Variants in CHMP4B observed in about 807,000 individuals in gnomAD.
CHMP4B encodes the protein charged multivesicular body protein 4B, also known as SNF7 homolog associated with Alix 1.
Under a neutral mutation model 25.1 loss-of-function variants are expected in CHMP4B, and 1 was observed. That is an observed-to-expected ratio of 0.04 (90% CI 0.01 to 0.19). The LOEUF (loss-of-function observed/expected upper bound fraction) is 0.19. CHMP4B is among the 10% of genes least tolerant of loss of function. CHMP4B has a pLI of 1.00. For missense variants in CHMP4B, 151 were observed against 289.7 expected (o/e 0.52, Z 3.48); for synonymous variants, 101 against 115.6 (o/e 0.87, Z 0.81).
intron 1 of CHMP4B, among the ~76,000 whole-genome samples, chr20:33,842,971 C>T (rs1331304710): frequency 6.6e-6 from 1 of 152,218 alleles, no homozygotes; most frequent in Non-Finnish European, 1.5e-5. Context: ...TCCTCAGCAG[C>T]TTTTCAGAGA....
intron 1 of CHMP4B, among the ~76,000 whole-genome samples, chr20:33,837,737 AG>A (rs887236921): frequency 6.6e-6 from 1 of 152,262 alleles, no homozygotes; most frequent in African/African-American, 2.4e-5. Flanking sequence ...TTGTGAAGCC[AG>A]TTAAAATAAG....
chr20:33,829,354 C>T (rs770769798), intron 1 of CHMP4B, among the ~76,000 whole-genome samples: 7 of 152,164 alleles, frequency 4.6e-5, no homozygotes, highest in African/African-American at 1.2e-4. Context: ...CAGGCCCAGC[C>T]GAGAATGCCC....
intron 2 of CHMP4B, 129 bp from the exon 3 acceptor site, chr20:33,850,823 G>T: frequency 1.4e-6 from 1 of 725,598 alleles, no homozygotes. Flanking sequence ...CCCCTCACAG[G>T]GAGTCATTGC....
chr20:33,829,965 A>T (rs1979194242), intron 1 of CHMP4B, among the ~76,000 whole-genome samples: 1 of 152,240 alleles, frequency 6.6e-6, no homozygotes, highest in Admixed American at 6.5e-5. Flanking sequence ...TGGGAAATAT[A>T]AACGACTTGA....
rs1399659514 is a variant in CHMP4B at position 33,853,908 on chromosome 20, A to G, written c.*348A>G. The G allele has an allele frequency of 1.0e-5, 4 of 392,164 alleles. No homozygotes were observed. In the Admixed American group the frequency reaches 1.6e-4, roughly 15 times the overall value. The allele number at this position is 392,164 out of a possible 1,614,324, so 24.3% of individuals were successfully genotyped here. On this transcript the variant is annotated 3_prime_UTR_variant, in exon 5 of 5. Transcript: ENST00000217402. ...GGGTCGACTGGTTGCAGTTGAAATG[A>G]CCTGAAATGTAGCCTCTGTCCTTGT... is the stretch of plus-strand genomic sequence containing the variant.
intron 1 of CHMP4B, among the ~76,000 whole-genome samples, chr20:33,842,073 T>C (rs1299017342): frequency 1.3e-5 from 2 of 152,128 alleles, no homozygotes; most frequent in African/African-American, 2.4e-5. Flanking sequence ...GAGGGGTTGG[T>C]CTTCGTTATC....
chr20:33,811,366 AGGGAGCGGCGGGACT>A lies in CHMP4B; in HGVS notation c.-94_-80del. The A allele has an allele frequency of 1.0e-6, 1 of 1,001,008 alleles. No homozygotes were observed. Among genetic ancestry groups the A allele is most frequent in the South Asian group, 4.4e-5 (1 of 22,732 alleles). The allele number at this position is 1,001,008 out of a possible 1,614,324, so 62.0% of individuals were successfully genotyped here. On this transcript the variant is annotated 5_prime_UTR_variant, in exon 1 of 5. Transcript: ENST00000217402. ...AGGCGGAGGAGAGGCCTGCGGCGGC[AGGGAGCGGCGGGACT>A]GGGAGCGGGCGCCGGAGCCGACCCG...
Position 33,820,023 on chromosome 20 carries a change from C to A in CHMP4B, c.190+8365C>A, listed in dbSNP as rs547549442. Among the ~76,000 whole-genome samples, 194 of 146,830 alleles carry A rather than the reference C, an allele frequency of 1.3e-3. 2 individuals carry two copies. The highest frequency in any genetic ancestry group is 3.0e-3 in the African/African-American group (122 of 40,368). ...TCTACTAAAAATACAAAAAAAAAAA[C>A]CAAAATTAGCTGGGTGTGGCAGCTG... On this transcript the variant is annotated intron_variant, in intron 1 of 4. Coordinates refer to ENST00000217402, the MANE Select transcript of CHMP4B (RefSeq NM_176812.5).
At chr20:33,847,307 G>A (rs1471294313) in intron 1 of CHMP4B, among the ~76,000 whole-genome samples, 1 of 151,948 alleles carries the variant, frequency 6.6e-6, no homozygotes, top group East Asian at 1.9e-4. Flanking sequence ...TAAACAAAGG[G>A]ACAGCTTTTT....
chr20:33,814,812 A>C (rs1205883893), intron 1 of CHMP4B, among the ~76,000 whole-genome samples: 1 of 151,726 alleles, frequency 6.6e-6, no homozygotes, highest in East Asian at 1.9e-4. Context: ...ATGCCTAGCT[A>C]ATTCAAAACA....
At position 33,823,972 on chromosome 20, in the gene CHMP4B, G is replaced by A. The variant is rs528314959; in HGVS notation, c.190+12314G>A. Among the ~76,000 whole-genome samples, 30 of 152,214 alleles carry A rather than the reference G, an allele frequency of 2.0e-4. 1 individual carries two copies. Among genetic ancestry groups the A allele is most frequent in the Admixed American group, 5.9e-4 (9 of 15,292 alleles). Reference sequence around the variant, plus strand: ...ATTACAGGGATGAGTCACCACACCCGGCCCCAGATTGCTATAATCCTTGAG... The same window carrying A: ...ATTACAGGGATGAGTCACCACACCCAGCCCCAGATTGCTATAATCCTTGAG... On this transcript the variant is annotated intron_variant, in intron 1 of 4. Coordinates refer to ENST00000217402, the MANE Select transcript of CHMP4B (RefSeq NM_176812.5).
intron 1 of CHMP4B, among the ~76,000 whole-genome samples, chr20:33,824,002 C>G (rs892247145): frequency 1.3e-5 from 2 of 152,042 alleles, no homozygotes; most frequent in Non-Finnish European, 2.9e-5. Context: ...CTTGAGTGCT[C>G]GTAATTTATC....
intron 1 of CHMP4B, among the ~76,000 whole-genome samples, chr20:33,814,121 C>G (rs1385993581): frequency 6.6e-6 from 1 of 152,222 alleles, no homozygotes; most frequent in Non-Finnish European, 1.5e-5. Context: ...AGTTGTCAGA[C>G]TTGCTGAAGG....
At chr20:33,835,233 A>G (rs1233768308) in intron 1 of CHMP4B, among the ~76,000 whole-genome samples, 11 of 152,128 alleles carry the variant, frequency 7.2e-5, no homozygotes, top group Non-Finnish European at 1.2e-4. Flanking sequence ...TATGTAATGT[A>G]TATTTTTTTC....
chr20:33,848,896 C>T (rs1979762184), intron 2 of CHMP4B, among the ~76,000 whole-genome samples: 1 of 152,122 alleles, frequency 6.6e-6, no homozygotes, highest in Non-Finnish European at 1.5e-5. Flanking sequence ...CTGGAAAGGC[C>T]TTTAGAAGGT....
rs1026146855 is a variant in CHMP4B at position 33,851,081 on chromosome 20, A to G, written c.483+15A>G. ...AGTTTGACGAGGTGAGTAGTTTTGT[A>G]CAGATCCCATAAGCTTCACAAATGA... On this transcript the variant is annotated intron_variant, in intron 3 of 4. Coordinates refer to ENST00000217402, the MANE Select transcript of CHMP4B (RefSeq NM_176812.5). 3 of 1,476,928 alleles carry G rather than the reference A, an allele frequency of 2.0e-6. No homozygotes were observed. The African/African-American group carries it at 4.1e-5, about 20-fold the overall frequency. The allele number at this position is 1,476,928 out of a possible 1,614,324, so 91.5% of individuals were successfully genotyped here. A position where few individuals can be genotyped will look rare whatever the true frequency, so the allele number is the denominator to read the frequency against.
intron 2 of CHMP4B, among the ~76,000 whole-genome samples, chr20:33,849,601 AAAAAAATAAAAAAT>A (rs139349802): frequency 6.6e-6 from 1 of 152,024 alleles, no homozygotes; most frequent in African/African-American, 2.4e-5. Flanking sequence ...CTATCTCAAT[AAAAAAATAAAAAAT>A]AAAAAATAAA....
chr20:33,818,643 G>A (rs1978847468), intron 1 of CHMP4B, among the ~76,000 whole-genome samples: 1 of 152,166 alleles, frequency 6.6e-6, no homozygotes, highest in Admixed American at 6.5e-5. Context: ...TGGGATTTGG[G>A]GACAGAAGGG....
In CHMP4B at chr20:33,853,682, C is replaced by T; in HGVS notation, c.*122C>T. Reference sequence around the variant, plus strand: ...GGTTCCATCGCTTTCGACTCTCACTCCAAAGCAGTAGGGCCGCGTTGCTGC... The same window carrying T: ...GGTTCCATCGCTTTCGACTCTCACTTCAAAGCAGTAGGGCCGCGTTGCTGC... On this transcript the variant is annotated 3_prime_UTR_variant, in exon 5 of 5. Transcript: ENST00000217402. 2.5e-6 allele frequency: 2 copies of T among 812,968 alleles called. No homozygotes were observed. Among genetic ancestry groups the T allele is most frequent in the African/African-American group, 1.7e-5 (1 of 57,226 alleles). 50.4% of individuals were successfully genotyped at this position (812,968 alleles called of 1,614,324 possible).
Sources: allele counts gnomAD v4.1 joint callset (sites outside exome capture counted in the v4.1 genomes callset), GRCh38; gene constraint gnomAD v4.1.1; transcripts MANE v1.5; gene names NCBI Gene and HGNC (gene_info 2026-07-23, HGNC 2026-07-21).